The following KIAA0408 variants were observed in gnomAD, a reference collection of about 807,000 sequenced individuals.
KIAA0408 encodes the protein KIAA0408.
Under a neutral mutation model 60.9 loss-of-function variants are expected in KIAA0408, and 51 were observed. That is an observed-to-expected ratio of 0.84 (90% CI 0.67 to 1.06). KIAA0408 has a LOEUF of 1.06. Among genes scored for constraint, KIAA0408 ranks in the 50% least tolerant of loss-of-function variants. The pLI is 0.00. For missense variants in KIAA0408, 787 were observed against 833.9 expected (o/e 0.94, Z 0.69); for synonymous variants, 304 against 282.4 (o/e 1.08, Z -0.77).
chr6:127,450,079 C>T lies in KIAA0408; in HGVS notation c.409G>A (p.Ala137Thr). ...KSKVGFLDPLATDNQKECEAW... is the reference protein window; with the variant it reads ...KSKVGFLDPLTTDNQKECEAW... ...TCACATTCCTTTTGGTTGTCTGTAG[C>T]CAAAGGATCCAAAAACCCTACTTTT... is the stretch of plus-strand genomic sequence containing the variant. Residue 137 changes from alanine (A) to threonine (T), a missense_variant, in exon 3 of 6, where the codon GCT becomes ACT. By Grantham distance (58) the Ala-to-Thr change is moderately conservative (BLOSUM62 0). Coordinates refer to ENST00000483725, the MANE Select transcript of KIAA0408 (RefSeq NM_014702.5). 1 of 1,614,126 alleles carries T rather than the reference C, an allele frequency of 6.2e-7. No individual in the cohort carries two copies. The highest frequency in any genetic ancestry group is 8.5e-7 in the Non-Finnish European group (1 of 1,179,980).
chr6:127,457,763 C>T (rs1773421604), intron 1 of KIAA0408, among the ~76,000 whole-genome samples: 1 of 152,156 alleles, frequency 6.6e-6, no homozygotes, highest in African/African-American at 2.4e-5. Context: ...TATTTTCACC[C>T]CCAAATTAGC....
chr6:127,442,446 C>T lies in KIAA0408; in HGVS notation c.*1663G>A, dbSNP rs753831125. 10 of 152,164 alleles carry T rather than the reference C, an allele frequency of 6.6e-5. No individual in the cohort carries two copies. The highest frequency in any genetic ancestry group is 1.5e-4 in the Non-Finnish European group (10 of 68,038). 9.4% of individuals were successfully genotyped at this position (152,164 alleles called of 1,614,324 possible). On this transcript the variant is annotated 3_prime_UTR_variant, in exon 6 of 6. Transcript: ENST00000483725. ...TAGTTTACTTTTCTTTGATAGCTTC[C>T]TGTGGAAAAGGATCTTCCTGAAGGA...
intron 4 of KIAA0408, 41 bp downstream of exon 4, chr6:127,449,781 T>A (rs1400882737): frequency 1.9e-6 from 3 of 1,610,070 alleles, no homozygotes; most frequent in Middle Eastern, 1.7e-4. Flanking sequence ...CAATATTATT[T>A]TTTATTTACC....
In KIAA0408 at chr6:127,444,162, T is replaced by C; in HGVS notation, c.2032A>G (p.Arg678Gly). 6.2e-7 allele frequency: 1 copy of C among 1,613,992 alleles called. No individual in the cohort carries two copies. The highest frequency in any genetic ancestry group is 2.2e-5 in the East Asian group (1 of 44,854). Residue 678 changes from arginine (R) to glycine (G), a missense_variant, in exon 6 of 6, where the codon AGA becomes GGA. Coordinates refer to ENST00000483725, the MANE Select transcript of KIAA0408 (RefSeq NM_014702.5). ...GAAATGGTATAGTTGTGGGTAGTTC[T>C]CCGCAAGGCAGGGGGTGCAGATGGA... is the stretch of plus-strand genomic sequence containing the variant. Reference protein sequence around the residue: ...RSPSAPPALRRTTHNYTISLR... With the variant: ...RSPSAPPALRGTTHNYTISLR...
rs530631024 is a variant in KIAA0408, at chr6:127,438,659, T to C, written c.*5450A>G. On this transcript the variant is annotated 3_prime_UTR_variant, in exon 6 of 6. Transcript: ENST00000483725. ...TCCTAGGCTACAAACCTGTACAGCA[T>C]GTTACTGTACTGAATACTAAAGGCA... 12 of 152,332 alleles carry C rather than the reference T, an allele frequency of 7.9e-5. No homozygotes were observed. Among genetic ancestry groups the C allele is most frequent in the African/African-American group, 2.9e-4 (12 of 41,570 alleles). 9.4% of individuals were successfully genotyped at this position (152,332 alleles called of 1,614,324 possible).
chr6:127,446,308 T>C (rs1252152406), intron 5 of KIAA0408, 100 bp downstream of exon 5: 3 of 1,510,762 alleles, frequency 2.0e-6, no homozygotes, highest in South Asian at 2.7e-5. Context: ...AGTCCAAAAC[T>C]TGTGCCCTCA....
rs533468212 is a variant in KIAA0408 at position 127,439,024 on chromosome 6, T to C, written c.*5085A>G. ...TTCTTGCTATTCTGCTGTTTCTCCA[T>C]TGTTGGCCCCTTCTGCCATATAAAG... On this transcript the variant is annotated 3_prime_UTR_variant, in exon 6 of 6. Transcript: ENST00000483725. The C allele has an allele frequency of 6.6e-6, 1 of 152,440 alleles. No homozygotes were observed. Among genetic ancestry groups the C allele is most frequent in the East Asian group, 1.9e-4 (1 of 5,184 alleles). 9.4% of individuals were successfully genotyped at this position (152,440 alleles called of 1,614,324 possible).
At chr6:127,446,078 G>A (rs2114790684) in intron 5 of KIAA0408, among the ~76,000 whole-genome samples, 1 of 152,208 alleles carries the variant, frequency 6.6e-6, no homozygotes, top group Non-Finnish European at 1.5e-5. Flanking sequence ...TTAAAATAAT[G>A]AAATTCTATA....
At chr6:127,449,018 T>C (rs1295625193) in intron 4 of KIAA0408, among the ~76,000 whole-genome samples, 1 of 152,184 alleles carries the variant, frequency 6.6e-6, no homozygotes, top group Non-Finnish European at 1.5e-5. Context: ...CAATATGTTG[T>C]TCTGAAAAGT....
chr6:127,449,699 A>G lies in KIAA0408; in HGVS notation c.578+123T>C, dbSNP rs1374940810. Reference sequence around the variant, plus strand: ...AATTAAAGTTTCTATCTCCCACCCTAGATAGTACATTTTAATAACTCATTA... The same window carrying G: ...AATTAAAGTTTCTATCTCCCACCCTGGATAGTACATTTTAATAACTCATTA... On this transcript the variant is annotated intron_variant, in intron 4 of 5. Transcript: ENST00000483725. 6.2e-6 allele frequency: 8 copies of G among 1,291,876 alleles called. No homozygotes were observed. In the Admixed American group the frequency reaches 1.8e-4, roughly 29 times the overall value. 80.0% of individuals were successfully genotyped at this position (1,291,876 alleles called of 1,614,324 possible).
chr6:127,455,654 A>AT (rs1773379440), intron 1 of KIAA0408, among the ~76,000 whole-genome samples: 1 of 152,030 alleles, frequency 6.6e-6, no homozygotes, highest in Non-Finnish European at 1.5e-5. Flanking sequence ...TATTTTGATA[A>AT]TTTTTTCCTA....
Position 127,447,462 on chromosome 6 carries a change from T to C in KIAA0408, c.857A>G (p.Tyr286Cys). 8 of 1,614,034 alleles carry C rather than the reference T, an allele frequency of 5.0e-6. No homozygotes were observed. The highest frequency in any genetic ancestry group is 6.8e-6 in the Non-Finnish European group (8 of 1,179,972). The change falls in exon 5 of 6, where the codon TAT becomes TGT. Residue 286 changes from tyrosine to cysteine, a missense_variant. Around this residue, in one of 3 missense-constraint regions of KIAA0408, gnomAD observed 640 missense variants for 681.3 expected, o/e 0.94. Coordinates refer to ENST00000483725, the MANE Select transcript of KIAA0408 (RefSeq NM_014702.5). ...NFPSSDSEQA[Y>C]ERWKERLDHN... ...GTCTAACCTTTCCTTCCATCTTTCA[T>C]AGGCTTGTTCAGAATCCGAGCTGGG...
Position 127,449,982 on chromosome 6 carries a change from T to C in KIAA0408, c.498+8A>G. On this transcript the variant is annotated splice_region_variant and intron_variant, in intron 3 of 5. Coordinates refer to ENST00000483725, the MANE Select transcript of KIAA0408 (RefSeq NM_014702.5). ...GAAACAGTTCTAGGCCAATCACATC[T>C]TACTTACTGTACTGAGGGCGCCAGA... 6.2e-7 allele frequency: 1 copy of C among 1,613,796 alleles called. No individual in the cohort carries two copies. Among genetic ancestry groups the C allele is most frequent in the African/African-American group, 1.3e-5 (1 of 75,016 alleles).
chr6:127,441,311 A>G lies in KIAA0408; in HGVS notation c.*2798T>C, dbSNP rs987449104. The G allele has an allele frequency of 6.6e-6, 1 of 152,636 alleles. No homozygotes were observed. Among genetic ancestry groups the G allele is most frequent in the African/African-American group, 2.4e-5 (1 of 41,464 alleles). 9.5% of individuals were successfully genotyped at this position (152,636 alleles called of 1,614,324 possible). ...ATAAAAACAAATGAAAGTTATGGGT[A>G]ATTTTTGATAAAATGAATTATACAA... is the stretch of plus-strand genomic sequence containing the variant. On this transcript the variant is annotated 3_prime_UTR_variant, in exon 6 of 6. Transcript: ENST00000483725.
rs1172098203 is a variant in KIAA0408 at position 127,446,650 on chromosome 6, TG to T, written c.1668del (p.Arg557GlyfsTer11). On this transcript the variant is annotated frameshift_variant, in exon 5 of 6. Transcript: ENST00000483725. LOFTEE classifies it high-confidence loss of function. The stretch of plus-strand genomic sequence containing the variant: ...TTTTCCACAACACCATAATTTGACC[TG>T]GGATCAGCTGACCTCGGACGGCCAG... ...NLSGRPRSAD[P>X]RSNYGVVEKL... The T allele has an allele frequency of 3.1e-6, 5 of 1,613,976 alleles. No individual in the cohort carries two copies. In the African/African-American group the frequency reaches 6.7e-5, roughly 22 times the overall value.
At position 127,439,114 on chromosome 6, in the gene KIAA0408, C is replaced by T; in HGVS notation, c.*4995G>A. 6.0e-6 allele frequency: 1 copy of T among 166,216 alleles called. No individual in the cohort carries two copies. The highest frequency in any genetic ancestry group is 1.3e-5 in the Non-Finnish European group (1 of 79,296). The allele number at this position is 166,216 out of a possible 1,614,324, so 10.3% of individuals were successfully genotyped here. On this transcript the variant is annotated 3_prime_UTR_variant, in exon 6 of 6. Coordinates refer to ENST00000483725, the MANE Select transcript of KIAA0408 (RefSeq NM_014702.5). The stretch of plus-strand genomic sequence containing the variant: ...CCTCACCAGACACCGAATCTGCTTG[C>T]AGCTTGATCTTGGACTTCCCAGCCT...
At chr6:127,445,722 A>C (rs572165968) in intron 5 of KIAA0408, among the ~76,000 whole-genome samples, 1 of 152,312 alleles carries the variant, frequency 6.6e-6, no homozygotes, top group Non-Finnish European at 1.5e-5. Context: ...TTTCTCTTAT[A>C]ACTAATGAAG....
At position 127,447,419 on chromosome 6, in the gene KIAA0408, G is replaced by A. The variant is rs1240747775; in HGVS notation, c.900C>T (p.Pro300=). ...AATTCCTTTTACTTCGACCCTCATG[G>A]GGCACCCAGCTGTTGTGGTCTAACC... is the stretch of plus-strand genomic sequence containing the variant. ...KERLDHNSWV[P]HEGRSKRNYN... The change falls in exon 5 of 6, where the codon CCC becomes CCT. Residue 300 remains proline, a synonymous_variant. Transcript: ENST00000483725. The A allele has an allele frequency of 6.2e-7, 1 of 1,613,738 alleles. No individual in the cohort carries two copies. The highest frequency in any genetic ancestry group is 8.5e-7 in the Non-Finnish European group (1 of 1,179,880).
chr6:127,453,733 G>A, intron 2 of KIAA0408, 114 bp downstream of exon 2: 2 of 1,358,428 alleles, frequency 1.5e-6, no homozygotes, highest in East Asian at 2.4e-5. Flanking sequence ...ACTGAGAAAT[G>A]TACCTCTTAG....
Sources: allele counts gnomAD v4.1 joint callset (sites outside exome capture counted in the v4.1 genomes callset), GRCh38; gene constraint gnomAD v4.1.1; regional missense constraint gnomAD v4.1.1; transcripts MANE v1.5; gene names NCBI Gene and HGNC (gene_info 2026-07-23, HGNC 2026-07-21).